Variants in CHRNB2 observed in about 807,000 individuals in gnomAD.
CHRNB2 encodes neuronal acetylcholine receptor subunit beta-2.
A neutral mutation model predicts 42.7 loss-of-function variants in CHRNB2; 33 were observed. The ratio of observed to expected loss-of-function variants is 0.77; its 90% CI spans 0.59 to 1.03. The LOEUF (loss-of-function observed/expected upper bound fraction) is 1.03. Ranked by LOEUF, CHRNB2 falls within the 50% of genes least tolerant of loss-of-function variation. CHRNB2 has a pLI of 0.00. For missense variants in CHRNB2, 603 were observed against 700.9 expected (o/e 0.86, Z 1.58); for synonymous variants, 325 against 292.9 (o/e 1.11, Z -1.12).
At chr1:154,570,501 C>A in intron 4 of CHRNB2, 134 bp downstream of exon 4, 1 of 671,836 alleles carries the variant, frequency 1.5e-6, no homozygotes. Context: ...ACTACCTAGA[C>A]AGACAGACCC....
At position 154,567,936 on chromosome 1, in the gene CHRNB2, G is replaced by A. The variant is rs1696089223; in HGVS notation, c.-109G>A. The A allele has an allele frequency of 9.2e-7, 1 of 1,082,548 alleles. No homozygotes were observed. Among genetic ancestry groups the A allele is most frequent in the Non-Finnish European group, 1.2e-6 (1 of 812,026 alleles). 67.1% of individuals were successfully genotyped at this position (1,082,548 alleles called of 1,614,324 possible). A position where few individuals can be genotyped will look rare whatever the true frequency, so the allele number is the denominator to read the frequency against. On this transcript the variant is annotated 5_prime_UTR_variant, in exon 1 of 6. Coordinates refer to ENST00000368476, the MANE Select transcript of CHRNB2 (RefSeq NM_000748.3). Reference sequence around the variant, plus strand: ...CGGCGGCCGGCACCACCTGGACCCAGCTCCAGGCGGGCGCGGCTTCAGCAC... The same window carrying A: ...CGGCGGCCGGCACCACCTGGACCCAACTCCAGGCGGGCGCGGCTTCAGCAC...
rs923888496 is a variant in CHRNB2, at chr1:154,567,909, C to A, written c.-136C>A. ...CGGCTCCCTGAGGCCCAGGAACCAC[C>A]GCGGCGGCCGGCACCACCTGGACCC... On this transcript the variant is annotated 5_prime_UTR_variant, in exon 1 of 6. Transcript: ENST00000368476. The A allele has an allele frequency of 5.6e-6, 4 of 709,182 alleles. No homozygotes were observed. The highest frequency in any genetic ancestry group is 4.3e-5 in the Admixed American group (1 of 23,084). The allele number at this position is 709,182 out of a possible 1,614,324, so 43.9% of individuals were successfully genotyped here. A position where few individuals can be genotyped will look rare whatever the true frequency, so the allele number is the denominator to read the frequency against.
intron 4 of CHRNB2, 41 bp downstream of exon 4, chr1:154,570,408 T>C: frequency 8.1e-7 from 1 of 1,228,832 alleles, no homozygotes. Flanking sequence ...ATTGGAGGGC[T>C]CAGGGAGGGA....
intron 4 of CHRNB2, among the ~76,000 whole-genome samples, chr1:154,570,643 G>A (rs568135957): frequency 4.6e-5 from 7 of 152,054 alleles, no homozygotes; most frequent in Non-Finnish European, 1.0e-4. Flanking sequence ...AGCCCCCAGC[G>A]CCTCAACTGA....
rs199970227 is a variant in CHRNB2, at chr1:154,570,398, A to G, written c.365+31A>G. On this transcript the variant is annotated intron_variant, in intron 4 of 5. Transcript: ENST00000368476. ...TGCAATGGGAAGGTTGGGGGAGACC[A>G]TTGGAGGGCTCAGGGAGGGAAGGGG... The G allele has an allele frequency of 1.0e-5, 14 of 1,338,160 alleles. No homozygotes were observed. The African/African-American group carries it at 1.6e-4, about 15-fold the overall frequency. 82.9% of individuals were successfully genotyped at this position (1,338,160 alleles called of 1,614,324 possible).
chr1:154,572,335 G>A (rs1481183891), intron 5 of CHRNB2, among the ~76,000 whole-genome samples, 174 bp downstream of exon 5: 1 of 152,204 alleles, frequency 6.6e-6, no homozygotes, highest in African/African-American at 2.4e-5. Flanking sequence ...CTTCTGGGTT[G>A]GCTTCCGGGA....
chr1:154,575,595 G>A lies in CHRNB2; in HGVS notation c.1339-167G>A, dbSNP rs553066747. Among the ~76,000 whole-genome samples the A allele has an allele frequency of 3.7e-4, 56 of 152,236 alleles. No individual in the cohort carries two copies. The South Asian group carries it at 0.011, about 30-fold the overall frequency. On this transcript the variant is annotated intron_variant, in intron 5 of 5. Transcript: ENST00000368476. Reference sequence around the variant, plus strand: ...TTGGATGGGCCCTGAAGGCAGTGGGGCCACTGGAGGCTTTTACTAAGATCA... The same window carrying A: ...TTGGATGGGCCCTGAAGGCAGTGGGACCACTGGAGGCTTTTACTAAGATCA...
chr1:154,571,937 G>A lies in CHRNB2; in HGVS notation c.1114G>A (p.Gly372Ser), dbSNP rs753731408. The change falls in exon 5 of 6, where the codon GGC becomes AGC. Residue 372 changes from glycine (G) to serine (S), a missense_variant. Physicochemically the swap from Gly to Ser is moderately conservative, Grantham distance 56 (BLOSUM62 0). This residue lies in a region of CHRNB2 where 270 missense variants were observed against 248.3 expected (regional missense o/e 1.09). Transcript: ENST00000368476. This position sits in a 1 kb window ranked among gnomAD's most constrained non-coding sequence, Gnocchi z 6.8. The part of the protein sequence containing the change: ...RLRRRQRERE[G>S]AGALFFREAP... ...GCGGCGACGCCAGCGTGAGCGCGAG[G>A]GCGCTGGAGCCCTCTTCTTCCGCGA... 7.2e-5 allele frequency: 111 copies of A among 1,552,190 alleles called. No individual in the cohort carries two copies. The highest frequency in any genetic ancestry group is 9.1e-5 in the Non-Finnish European group (105 of 1,153,920).
At position 154,571,669 on chromosome 1, in the gene CHRNB2, C is replaced by A; in HGVS notation, c.846C>A (p.Leu282=). ...VLLALTVFLL[L]ISKIVPPTSL... is the part of the protein sequence containing the mutation. ...TGGCGCTCACGGTCTTCCTGCTGCT[C>A]ATCTCCAAGATCGTGCCTCCCACCT... The change falls in exon 5 of 6, where the codon CTC becomes CTA. Residue 282 remains leucine (L), a synonymous_variant. Coordinates refer to ENST00000368476, the MANE Select transcript of CHRNB2 (RefSeq NM_000748.3). The surrounding 1 kb of genome is among the most constrained non-coding windows in gnomAD (Gnocchi z 6.8). 1 of 1,612,846 alleles carries A rather than the reference C, an allele frequency of 6.2e-7. No homozygotes were observed. Among genetic ancestry groups the A allele is most frequent in the Non-Finnish European group, 8.5e-7 (1 of 1,179,436 alleles).
intron 1 of CHRNB2, among the ~76,000 whole-genome samples, 159 bp from the exon 2 acceptor site, chr1:154,569,303 C>A (rs1279023746): frequency 2.0e-5 from 3 of 151,672 alleles, no homozygotes; most frequent in African/African-American, 7.3e-5. Flanking sequence ...AGACATTAAT[C>A]TGGGGCCTCC....
In CHRNB2 at chr1:154,571,769, G is replaced by A. The variant is rs773957177; in HGVS notation, c.946G>A (p.Val316Met). The change falls in exon 5 of 6, where the codon GTG becomes ATG. Residue 316 changes from valine to methionine, a missense_variant. By Grantham distance (21) the Val-to-Met change is conservative. Coordinates refer to ENST00000368476, the MANE Select transcript of CHRNB2 (RefSeq NM_000748.3). This position sits in a 1 kb window ranked among gnomAD's most constrained non-coding sequence, Gnocchi z 6.8. ...TGTCACCTTCTCCATCGTCACCAGC[G>A]TGTGCGTGCTCAACGTGCACCACCG... Reference protein sequence around the residue: ...VLVTFSIVTSVCVLNVHHRSP... With the variant: ...VLVTFSIVTSMCVLNVHHRSP... 6 of 1,614,154 alleles carry A rather than the reference G, an allele frequency of 3.7e-6. No individual in the cohort carries two copies. Among genetic ancestry groups the A allele is most frequent in the Admixed American group, 1.7e-5 (1 of 60,032 alleles).
intron 5 of CHRNB2, among the ~76,000 whole-genome samples, chr1:154,574,287 T>C (rs1696230002): frequency 6.6e-6 from 1 of 152,240 alleles, no homozygotes; most frequent in African/African-American, 2.4e-5. Flanking sequence ...AGTGATCGAC[T>C]GCTGGAAATT....
chr1:154,569,843 G>GT lies in CHRNB2; in HGVS notation c.255+8dup. ...CAATGTCTGGCTGACCCAGGTAAGC[G>GT]TAAGTGCTCTCTTCCACCCACACCC... is the stretch of plus-strand genomic sequence containing the variant. On this transcript the variant is annotated splice_region_variant and intron_variant, in intron 3 of 5. Transcript: ENST00000368476. 1.2e-6 allele frequency: 2 copies of GT among 1,613,998 alleles called. No individual in the cohort carries two copies. Among genetic ancestry groups the GT allele is most frequent in the South Asian group, 1.1e-5 (1 of 91,078 alleles).
Position 154,571,478 on chromosome 1 carries a change from T to G in CHRNB2, c.655T>G (p.Ser219Ala). The part of the protein sequence containing the change: ...PGRRNENPDD[S>A]TYVDITYDFI... ...CCGGCGCAACGAGAACCCCGACGAC[T>G]CTACGTACGTGGACATCACGTATGA... is the stretch of plus-strand genomic sequence containing the variant. The change falls in exon 5 of 6, where the codon TCT (serine) becomes GCT (alanine). Residue 219 changes from serine (S) to alanine (A), a missense_variant. Transcript: ENST00000368476. The surrounding 1 kb of genome is among the most constrained non-coding windows in gnomAD (Gnocchi z 6.8). 1 of 1,614,056 alleles carries G rather than the reference T, an allele frequency of 6.2e-7. No homozygotes were observed. Among genetic ancestry groups the G allele is most frequent in the Non-Finnish European group, 8.5e-7 (1 of 1,180,018 alleles).
chr1:154,571,813 C>A lies in CHRNB2; in HGVS notation c.990C>A (p.Thr330=), dbSNP rs201825924. 1.2e-6 allele frequency: 2 copies of A among 1,613,948 alleles called. No individual in the cohort carries two copies. Among genetic ancestry groups the A allele is most frequent in the Non-Finnish European group, 1.7e-6 (2 of 1,180,030 alleles). Residue 330 remains threonine, a synonymous_variant, in exon 5 of 6, where the codon ACC becomes ACA. Transcript: ENST00000368476. The surrounding 1 kb of genome is among the most constrained non-coding windows in gnomAD (Gnocchi z 6.8). The stretch of plus-strand genomic sequence containing the variant: ...ACCACCGCTCGCCCACCACGCACAC[C>A]ATGGCGCCCTGGGTGAAGGTCGTCT... ...NVHHRSPTTH[T]MAPWVKVVFL...
At chr1:154,574,041 C>T (rs541038778) in intron 5 of CHRNB2, among the ~76,000 whole-genome samples, 22 of 152,328 alleles carry the variant, frequency 1.4e-4, no homozygotes, top group Non-Finnish European at 2.6e-4. Flanking sequence ...TGAGCCACTG[C>T]GCCCAGCCTG....
Position 154,576,363 on chromosome 1 carries a change from C to A in CHRNB2, c.*431C>A. 1 of 307,924 alleles carries A rather than the reference C, an allele frequency of 3.2e-6. No individual in the cohort carries two copies. The allele number at this position is 307,924 out of a possible 1,614,324, so 19.1% of individuals were successfully genotyped here. A position where few individuals can be genotyped will look rare whatever the true frequency, so the allele number is the denominator to read the frequency against. ...CACACCGCACCGGGCTGGCCTGACA[C>A]AATGGTAGCTCTGAAGGGAGGGGAA... On this transcript the variant is annotated 3_prime_UTR_variant, in exon 6 of 6. Coordinates refer to ENST00000368476, the MANE Select transcript of CHRNB2 (RefSeq NM_000748.3).
In CHRNB2 at chr1:154,577,411, A is replaced by C. The variant is rs1358719911; in HGVS notation, c.*1479A>C. The C allele has an allele frequency of 6.6e-6, 1 of 152,238 alleles. No homozygotes were observed. The highest frequency in any genetic ancestry group is 2.4e-5 in the African/African-American group (1 of 41,436). 9.4% of individuals were successfully genotyped at this position (152,238 alleles called of 1,614,324 possible). ...ACAGAGCATGGGACAGGGACCCCCG[A>C]GTCTGGATTCAAGTCCTGGCCCTGC... On this transcript the variant is annotated 3_prime_UTR_variant, in exon 6 of 6. Coordinates refer to ENST00000368476, the MANE Select transcript of CHRNB2 (RefSeq NM_000748.3).
chr1:154,572,216 G>C, intron 5 of CHRNB2, 55 bp downstream of exon 5: 1 of 1,532,778 alleles, frequency 6.5e-7, no homozygotes, highest in Non-Finnish European at 8.7e-7. Context: ...GCCAGGGCCC[G>C]GGTATCTGGA....
Sources: allele counts gnomAD v4.1 joint callset (sites outside exome capture counted in the v4.1 genomes callset), GRCh38; gene constraint gnomAD v4.1.1; regional missense constraint gnomAD v4.1.1; non-coding constraint Gnocchi (gnomAD v3.1); transcripts MANE v1.5; gene names NCBI Gene and HGNC (gene_info 2026-07-23, HGNC 2026-07-21).